The following LEMD3 variants were observed in gnomAD, a reference collection of about 807,000 sequenced individuals.
LEMD3 encodes inner nuclear membrane protein Man1.
LEMD3 carries 33 observed loss-of-function variants against 95.2 expected under a neutral mutation model. That is an observed-to-expected ratio of 0.35 (90% confidence interval 0.26 to 0.46). LEMD3 has a LOEUF of 0.46. Ranked by LOEUF, LEMD3 falls within the 20% of genes least tolerant of loss-of-function variation. The probability of loss-of-function intolerance (pLI) is 1.00; values close to 1 mark genes in which losing one functional copy is unlikely to be tolerated. For missense variants in LEMD3, 1,210 were observed against 1,192.8 expected (o/e 1.01, Z -0.21); for synonymous variants, 525 against 474.6 (o/e 1.11, Z -1.38).
chr12:65,240,927 C>G lies in LEMD3; in HGVS notation c.2145C>G (p.Val715=), dbSNP rs534883939. 3 of 1,613,936 alleles carry G rather than the reference C, an allele frequency of 1.9e-6. No homozygotes were observed. Among genetic ancestry groups the G allele is most frequent in the East Asian group, 2.2e-5 (1 of 44,868 alleles). ...ATGATAGGAAAAAAATGAAGAAAGT[C>G]TGGGATAGAGCTGTTGACTTCCTTG... The part of the protein sequence containing the change: ...QPHDRKKMKK[V]WDRAVDFLAA... The change falls in exon 9 of 13, where the codon GTC becomes GTG. Residue 715 remains valine (V), a synonymous_variant. Coordinates refer to ENST00000308330, the MANE Select transcript of LEMD3 (RefSeq NM_014319.5).
At position 65,218,584 on chromosome 12, in the gene LEMD3, A is replaced by G. The variant is rs1870181070; in HGVS notation, c.1660A>G (p.Thr554Ala). The G allele has an allele frequency of 1.2e-6, 2 of 1,607,306 alleles. No homozygotes were observed. Among genetic ancestry groups the G allele is most frequent in the Non-Finnish European group, 1.7e-6 (2 of 1,176,282 alleles). Residue 554 changes from threonine to alanine, a missense_variant, in exon 4 of 13, where the codon ACG becomes GCG. Transcript: ENST00000308330. ...TGAATGTGGCAGTTCTAGTCAAAGA[A>G]CGCTTTCTGTTCAAGAGGCAGCTGC... ...DHECGSSSQR[T>A]LSVQEAAAYL...
At chr12:65,239,326 G>A (rs796136563) in intron 6 of LEMD3, among the ~76,000 whole-genome samples, 16 of 152,150 alleles carry the variant, frequency 1.1e-4, no homozygotes, top group African/African-American at 3.6e-4. Flanking sequence ...GAGGCAGGAG[G>A]ATTGCTTGCA....
chr12:65,216,067 T>C, intron 3 of LEMD3, 24 bp downstream of exon 3: 3 of 1,471,494 alleles, frequency 2.0e-6, no homozygotes, highest in Non-Finnish European at 2.9e-6. Flanking sequence ...CTTTTATAGT[T>C]GCTAAAAATG....
At chr12:65,177,840 CTTT>C (rs776856955) in intron 1 of LEMD3, among the ~76,000 whole-genome samples, 1 of 130,784 alleles carries the variant, frequency 7.6e-6, no homozygotes. Flanking sequence ...TGCTCTCATT[CTTT>C]TTTTTTTTTT....
Position 65,170,510 on chromosome 12 carries a change from G to C in LEMD3, c.914G>C (p.Arg305Thr). 6.2e-7 allele frequency: 1 copy of C among 1,614,144 alleles called. No homozygotes were observed. Among genetic ancestry groups the C allele is most frequent in the Non-Finnish European group, 8.5e-7 (1 of 1,180,028 alleles). Residue 305 changes from arginine (R) to threonine (T), a missense_variant, in exon 1 of 13, where the codon AGG becomes ACG. Physicochemically the swap from Arg to Thr is moderately conservative, Grantham distance 71. Around this residue, in one of 2 missense-constraint regions of LEMD3, gnomAD observed 749 missense variants for 622.9 expected, o/e 1.20. Coordinates refer to ENST00000308330, the MANE Select transcript of LEMD3 (RefSeq NM_014319.5). Reference sequence around the variant, plus strand: ...CTGACTGCTAAATCGGCCGGCGGCAGGCTGGAGACTTCAGTTCAGGGAGGG... The same window carrying C: ...CTGACTGCTAAATCGGCCGGCGGCACGCTGGAGACTTCAGTTCAGGGAGGG... ...PPLTAKSAGGRLETSVQGGGG... is the reference protein window; with the variant it reads ...PPLTAKSAGGTLETSVQGGGG...
At chr12:65,238,841 T>C in intron 6 of LEMD3, 27 bp downstream of exon 6, 1 of 1,612,142 alleles carries the variant, frequency 6.2e-7, no homozygotes, top group Non-Finnish European at 8.5e-7. Context: ...AGAAATGAGA[T>C]AAATTGCAGC....
chr12:65,229,795 T>C (rs1381430048), intron 4 of LEMD3, among the ~76,000 whole-genome samples: 2 of 152,234 alleles, frequency 1.3e-5, no homozygotes, highest in Non-Finnish European at 2.9e-5. Flanking sequence ...TAGTCATCTC[T>C]TCACTCTGTT....
chr12:65,197,240 A>C (rs549510977), intron 1 of LEMD3, among the ~76,000 whole-genome samples: 1 of 152,212 alleles, frequency 6.6e-6, no homozygotes, highest in East Asian at 1.9e-4. Context: ...TTCCCATCTC[A>C]AGGTGTGGCT....
chr12:65,171,253 C>G lies in LEMD3; in HGVS notation c.1522+135C>G, dbSNP rs1868542446. ...AACAGCAAAAACGCAACAGTGCGTGCATGTGTCATCTTTCTTAAAGAACAC... is the reference window on the plus strand; with the variant it reads ...AACAGCAAAAACGCAACAGTGCGTGGATGTGTCATCTTTCTTAAAGAACAC... On this transcript the variant is annotated intron_variant, in intron 1 of 12. Transcript: ENST00000308330. 4 of 1,451,018 alleles carry G rather than the reference C, an allele frequency of 2.8e-6. No individual in the cohort carries two copies. The African/African-American group carries it at 5.6e-5, about 20-fold the overall frequency. The allele number at this position is 1,451,018 out of a possible 1,614,324, so 89.9% of individuals were successfully genotyped here.
chr12:65,206,268 G>T (rs527451392), intron 1 of LEMD3, among the ~76,000 whole-genome samples: 1 of 152,202 alleles, frequency 6.6e-6, no homozygotes, highest in East Asian at 1.9e-4. Flanking sequence ...GCTCATTCAG[G>T]CATCTGAATG....
rs374013073 is a variant in LEMD3 at position 65,246,362 on chromosome 12, A to G, written c.*37A>G. On this transcript the variant is annotated 3_prime_UTR_variant, in exon 13 of 13. Transcript: ENST00000308330. The stretch of plus-strand genomic sequence containing the variant: ...TCCATTTCTAAGACTGTTATTTACA[A>G]TAGGAAAATTCCTGTTTGGCTTTTT... 7.8e-6 allele frequency: 12 copies of G among 1,532,626 alleles called. No individual in the cohort carries two copies. Among genetic ancestry groups the G allele is most frequent in the Non-Finnish European group, 1.1e-5 (12 of 1,108,132 alleles). The allele number at this position is 1,532,626 out of a possible 1,614,324, so 94.9% of individuals were successfully genotyped here. A position where few individuals can be genotyped will look rare whatever the true frequency, so the allele number is the denominator to read the frequency against.
chr12:65,216,722 A>T (rs779246869), intron 3 of LEMD3, among the ~76,000 whole-genome samples: 1 of 151,952 alleles, frequency 6.6e-6, no homozygotes, highest in Non-Finnish European at 1.5e-5. Flanking sequence ...AAACTTTTCT[A>T]TGTAGCAGAA....
At chr12:65,221,737 T>C (rs1057398561) in intron 4 of LEMD3, among the ~76,000 whole-genome samples, 1 of 78,288 alleles carries the variant, frequency 1.3e-5, no homozygotes, top group Non-Finnish European at 2.4e-5. Flanking sequence ...AAAATCTCTC[T>C]TTTTTTTTTT....
chr12:65,191,753 C>T (rs1869245860), intron 1 of LEMD3, among the ~76,000 whole-genome samples: 1 of 151,796 alleles, frequency 6.6e-6, no homozygotes, highest in African/African-American at 2.4e-5. Flanking sequence ...ATGGTGAAAC[C>T]CTGTCTCTAC....
intron 1 of LEMD3, among the ~76,000 whole-genome samples, chr12:65,181,159 ACTT>A (rs897545893): frequency 2.0e-4 from 30 of 152,254 alleles, no homozygotes; most frequent in African/African-American, 5.5e-4. Context: ...TGGGATATCT[ACTT>A]CTTCTAGCCT....
At chr12:65,205,116 TG>T (rs760345056) in intron 1 of LEMD3, among the ~76,000 whole-genome samples, 37 of 151,992 alleles carry the variant, frequency 2.4e-4, no homozygotes, top group Non-Finnish European at 3.8e-4. Flanking sequence ...AGAATGCAAA[TG>T]GGGAAGAGCC....
intron 1 of LEMD3, among the ~76,000 whole-genome samples, chr12:65,172,447 T>A (rs955208307): frequency 3.9e-5 from 6 of 152,190 alleles, no homozygotes; most frequent in Non-Finnish European, 8.8e-5. Context: ...AATGTAAGCT[T>A]AGATTTAGAT....
chr12:65,226,596 A>G (rs186055302), intron 4 of LEMD3, among the ~76,000 whole-genome samples: 1 of 152,326 alleles, frequency 6.6e-6, no homozygotes, highest in Non-Finnish European at 1.5e-5. Flanking sequence ...AGAAATATTG[A>G]CTGAGTTTTT....
intron 1 of LEMD3, among the ~76,000 whole-genome samples, chr12:65,195,333 C>A (rs1260084431): frequency 6.6e-6 from 1 of 151,900 alleles, no homozygotes; most frequent in East Asian, 1.9e-4. Context: ...ATATAAACAT[C>A]ATATAGCTCT....
Sources: allele counts gnomAD v4.1 joint callset (sites outside exome capture counted in the v4.1 genomes callset), GRCh38; gene constraint gnomAD v4.1.1; regional missense constraint gnomAD v4.1.1; transcripts MANE v1.5; gene names NCBI Gene and HGNC (gene_info 2026-07-23, HGNC 2026-07-21).